WWTR1: variants seen among roughly 807,000 people sequenced by gnomAD.
The protein encoded by WWTR1 is WW domain-containing transcription regulator protein 1.
In WWTR1, 13 loss-of-function variants were observed where a neutral mutation model predicts 40.1. That is an observed-to-expected ratio of 0.32 (90% CI 0.21 to 0.52). WWTR1 has a LOEUF of 0.52. Ranked by LOEUF, WWTR1 falls within the 20% of genes least tolerant of loss-of-function variation. The pLI is 0.97. For missense variants in WWTR1, 436 were observed against 523.1 expected (o/e 0.83, Z 1.63); for synonymous variants, 230 against 210.1 (o/e 1.09, Z -0.82).
intron 4 of WWTR1, chr3:149,541,108 T>C (rs1216236702): frequency 2.2e-6 from 1 of 452,254 alleles, no homozygotes; most frequent in Admixed American, 2.4e-5. Flanking sequence ...AAGGAAGTTA[T>C]TCATGTATCT....
intron 2 of WWTR1, among the ~76,000 whole-genome samples, chr3:149,613,961 A>G (rs1739853216): frequency 6.6e-6 from 1 of 152,222 alleles, no homozygotes; most frequent in African/African-American, 2.4e-5. Context: ...AGAGAGAGAG[A>G]AAGATGAATG....
intron 2 of WWTR1, among the ~76,000 whole-genome samples, chr3:149,630,341 C>T (rs1354915384): frequency 1.3e-5 from 2 of 152,090 alleles, no homozygotes; most frequent in East Asian, 3.9e-4. Flanking sequence ...CCAGCTCTAG[C>T]AATGAATAGG....
At chr3:149,558,227 A>G (rs1736925726) in intron 3 of WWTR1, among the ~76,000 whole-genome samples, 3 of 152,026 alleles carry the variant, frequency 2.0e-5, no homozygotes. Flanking sequence ...CTTGAGTCAC[A>G]CTGAGACAGT....
At chr3:149,614,935 A>T (rs1332616623) in intron 2 of WWTR1, among the ~76,000 whole-genome samples, 1 of 152,070 alleles carries the variant, frequency 6.6e-6, no homozygotes, top group Non-Finnish European at 1.5e-5. Context: ...GTGAGCTGAG[A>T]TGGCGCCATT....
chr3:149,695,903 G>A (rs1313759664), intron 1 of WWTR1, among the ~76,000 whole-genome samples: 1 of 150,738 alleles, frequency 6.6e-6, no homozygotes, highest in African/African-American at 2.4e-5. Context: ...ATGAGGTCAG[G>A]AGATTGAGAC....
At chr3:149,665,497 T>A (rs190216113) in intron 2 of WWTR1, among the ~76,000 whole-genome samples, 6 of 152,302 alleles carry the variant, frequency 3.9e-5, no homozygotes, top group South Asian at 2.1e-4. Context: ...AGTGCTGGGA[T>A]TACAGGCATG....
At chr3:149,628,364 G>A (rs777605452) in intron 2 of WWTR1, among the ~76,000 whole-genome samples, 1 of 152,224 alleles carries the variant, frequency 6.6e-6, no homozygotes, top group South Asian at 2.1e-4. Flanking sequence ...GCGAGACTCC[G>A]TCTCAAAACA....
At chr3:149,582,974 A>G (rs1432948318) in intron 2 of WWTR1, among the ~76,000 whole-genome samples, 9 of 152,024 alleles carry the variant, frequency 5.9e-5, no homozygotes, top group African/African-American at 2.2e-4. Context: ...TATTACTCTT[A>G]TTTTTTTCTG....
intron 3 of WWTR1, among the ~76,000 whole-genome samples, chr3:149,571,366 T>C (rs779355892): frequency 5.3e-4 from 80 of 152,282 alleles, no homozygotes; most frequent in Middle Eastern, 3.4e-3. Context: ...AAAACCAGTC[T>C]AATGCCACCT....
chr3:149,549,725 G>C lies in WWTR1; in HGVS notation c.569-7188C>G, dbSNP rs560040623. Among the ~76,000 whole-genome samples the C allele has an allele frequency of 9.2e-5, 14 of 152,280 alleles. No homozygotes were observed. In the South Asian group the frequency reaches 1.5e-3, roughly 16 times the overall value. The stretch of plus-strand genomic sequence containing the variant: ...ATGGTGGCATGCATTCGTGGTCCCA[G>C]CTACTTGGGAGGCTGGGGCAGGAGG... On this transcript the variant is annotated intron_variant, in intron 3 of 6. Coordinates refer to ENST00000360632, the MANE Select transcript of WWTR1 (RefSeq NM_015472.6).
intron 3 of WWTR1, among the ~76,000 whole-genome samples, chr3:149,543,397 A>G (rs900366347): frequency 3.9e-5 from 6 of 151,998 alleles, no homozygotes; most frequent in Admixed American, 3.9e-4. Context: ...CCTGGCCAAC[A>G]TGGTGAAACC....
intron 2 of WWTR1, among the ~76,000 whole-genome samples, chr3:149,668,553 A>C (rs1163176485): frequency 6.7e-6 from 1 of 149,164 alleles, no homozygotes; most frequent in South Asian, 2.2e-4. Context: ...GGTTGCAGTA[A>C]GCCGAGATGG....
At chr3:149,708,100 T>C (rs933831599), upstream of WWTR1, among the ~76,000 whole-genome samples, 15 of 152,180 alleles carry the variant, frequency 9.9e-5, no homozygotes, top group African/African-American at 3.6e-4. Context: ...TGGACATTTC[T>C]ACTTGGTGCA....
intron 2 of WWTR1, among the ~76,000 whole-genome samples, chr3:149,666,521 C>G (rs1713825367): frequency 1.3e-5 from 2 of 152,290 alleles, no homozygotes; most frequent in South Asian, 4.1e-4. Flanking sequence ...ACATCTCAAT[C>G]TAGTTATGAT....
chr3:149,565,829 T>C (rs1737294979), intron 3 of WWTR1, among the ~76,000 whole-genome samples: 1 of 150,948 alleles, frequency 6.6e-6, no homozygotes, highest in Admixed American at 6.7e-5. Flanking sequence ...GAGAATTGCT[T>C]GAACCCGGGA....
intron 2 of WWTR1, among the ~76,000 whole-genome samples, chr3:149,573,876 G>T (rs907737737): frequency 4.6e-5 from 7 of 151,888 alleles, no homozygotes; most frequent in African/African-American, 1.7e-4. Context: ...CACATTGCAG[G>T]TCACTCCTGG....
At chr3:149,602,325 A>C (rs1202950899) in intron 2 of WWTR1, among the ~76,000 whole-genome samples, 3 of 152,150 alleles carry the variant, frequency 2.0e-5, no homozygotes, top group African/African-American at 7.2e-5. Flanking sequence ...GCTAGCAACT[A>C]TTTTGGAATG....
intron 6 of WWTR1, 36 bp downstream of exon 6, chr3:149,525,977 A>G: frequency 7.7e-7 from 1 of 1,296,460 alleles, no homozygotes; most frequent in African/African-American, 1.5e-5. Flanking sequence ...TAAAAAACAC[A>G]AACCCATTGT....
At chr3:149,635,104 A>G (rs1348116125) in intron 2 of WWTR1, among the ~76,000 whole-genome samples, 10 of 152,212 alleles carry the variant, frequency 6.6e-5, no homozygotes, top group Admixed American at 2.0e-4. Context: ...CCTCTTCTTC[A>G]TGTGGTTGTG....
Sources: allele counts gnomAD v4.1 joint callset (sites outside exome capture counted in the v4.1 genomes callset), GRCh38; gene constraint gnomAD v4.1.1; transcripts MANE v1.5; gene names NCBI Gene and HGNC (gene_info 2026-07-23, HGNC 2026-07-21).